Variants in PRMT5 observed in about 807,000 individuals in gnomAD.
The protein encoded by PRMT5 is protein arginine N-methyltransferase 5.
In PRMT5, 15 loss-of-function variants were observed where a neutral mutation model predicts 84.0. The ratio of observed to expected loss-of-function variants is 0.18; its 90% confidence interval spans 0.12 to 0.28. The LOEUF is 0.28. Among genes scored for constraint, PRMT5 ranks in the 10% least tolerant of loss-of-function variants. The pLI, the probability that PRMT5 is intolerant of heterozygous loss-of-function variation, is 1.00. For synonymous variants in PRMT5, 276 were observed against 292.4 expected, an observed-to-expected ratio of 0.94 and a Z score of 0.57; for missense variants, 486 against 808.0, an observed-to-expected ratio of 0.60 and a Z score of 4.83.
At position 22,928,144 on chromosome 14, in the gene PRMT5, A is replaced by T; in HGVS notation, c.297T>A (p.Ile99=). The T allele has an allele frequency of 8.7e-6, 14 of 1,614,144 alleles. No individual in the cohort carries two copies. The highest frequency in any genetic ancestry group is 1.2e-5 in the Non-Finnish European group (14 of 1,180,008). Residue 99 remains isoleucine, a synonymous_variant, in exon 3 of 17, where the codon ATT becomes ATA. Coordinates refer to ENST00000324366, the MANE Select transcript of PRMT5 (RefSeq NM_006109.5). This position sits in a 1 kb window ranked among gnomAD's most constrained non-coding sequence, Gnocchi z 4.8. ...GTCTTACCGCCTCGGAGTTCCTGCG[A>T]ATCTTCTCCACTTTTGAGTCTGGAC... is the stretch of plus-strand genomic sequence containing the variant. The part of the protein sequence containing the change: ...WIRPDSKVEK[I]RRNSEAAMLQ...
At position 22,924,645 on chromosome 14, in the gene PRMT5, G is replaced by A. The variant is rs1341779542; in HGVS notation, c.1004C>T (p.Ser335Phe). 1.9e-6 allele frequency: 3 copies of A among 1,613,962 alleles called. No individual in the cohort carries two copies. Among genetic ancestry groups the A allele is most frequent in the Non-Finnish European group, 2.5e-6 (3 of 1,179,976 alleles). ...ACCACACAGTACCTGCTGGTACTGA[G>A]AGTATTTGATGGGGTCCTTTTCAAA... ...EVFEKDPIKY[S>F]QYQQAIYKCL... Residue 335 changes from serine to phenylalanine, a missense_variant, in exon 9 of 17, where the codon TCT (serine) becomes TTT (phenylalanine). By Grantham distance (155) the Ser-to-Phe change is radical. This residue lies in a region of PRMT5 where 219 missense variants were observed against 433.6 expected (regional missense o/e 0.51). Transcript: ENST00000324366. This position sits in a 1 kb window ranked among gnomAD's most constrained non-coding sequence, Gnocchi z 6.5.
At position 22,926,768 on chromosome 14, in the gene PRMT5, T is replaced by A. The variant is rs748141283; in HGVS notation, c.497A>T (p.Asp166Val). The change falls in exon 5 of 17, where the codon GAT becomes GTT. Residue 166 changes from aspartate to valine, a missense_variant. Physicochemically the swap from Asp to Val is radical, Grantham distance 152. This residue lies in a region of PRMT5 where 215 missense variants were observed against 301.1 expected (regional missense o/e 0.71). Transcript: ENST00000324366. ...TGTAGTTGGTGCATTCTCAATTATATCATCTCTCAGGTCCTCTGGTGCCAC... is the reference window on the plus strand; with the variant it reads ...TGTAGTTGGTGCATTCTCAATTATAACATCTCTCAGGTCCTCTGGTGCCAC... ...PLVAPEDLRD[D>V]IIENAPTTHT... 4 of 1,614,146 alleles carry A rather than the reference T, an allele frequency of 2.5e-6. No homozygotes were observed. Among genetic ancestry groups the A allele is most frequent in the Non-Finnish European group, 3.4e-6 (4 of 1,180,036 alleles).
Position 22,923,917 on chromosome 14 carries a change from C to CG in PRMT5, c.1375+90_1375+91insC. ...CAAACTCATATGATGTGACCCAGGTCCAACCCACTTTCCCCTAAACCCTGT... is the reference window on the plus strand; with the variant it reads ...CAAACTCATATGATGTGACCCAGGTCGCAACCCACTTTCCCCTAAACCCTGT... On this transcript the variant is annotated intron_variant, in intron 12 of 16. Coordinates refer to ENST00000324366, the MANE Select transcript of PRMT5 (RefSeq NM_006109.5). The surrounding 1 kb of genome is among the most constrained non-coding windows in gnomAD (Gnocchi z 5.2). The CG allele has an allele frequency of 2.8e-6, 4 of 1,431,966 alleles. No homozygotes were observed. Among genetic ancestry groups the CG allele is most frequent in the Admixed American group, 2.4e-5 (1 of 42,452 alleles). 88.7% of individuals were successfully genotyped at this position (1,431,966 alleles called of 1,614,324 possible). A position where few individuals can be genotyped will look rare whatever the true frequency, so the allele number is the denominator to read the frequency against.
At chr14:22,929,067 G>A in intron 1 of PRMT5, 185 bp downstream of exon 1, 1 of 1,455,402 alleles carries the variant, frequency 6.9e-7, no homozygotes, top group East Asian at 2.3e-5. Context: ...AGTGACCACA[G>A]GCCTCCCACA....
At chr14:22,922,044 C>A (rs2044311116) in intron 16 of PRMT5, 132 bp downstream of exon 16, 1 of 838,312 alleles carries the variant, frequency 1.2e-6, no homozygotes, top group South Asian at 1.6e-5. Flanking sequence ...ACACCTACCA[C>A]TGGGATCCAA....
chr14:22,923,136 T>C lies in PRMT5; in HGVS notation c.1400A>G (p.Glu467Gly). Residue 467 changes from glutamate (E) to glycine (G), a missense_variant, in exon 13 of 17, where the codon GAG becomes GGG. Glu to Gly is a moderately conservative substitution (Grantham distance 98, BLOSUM62 -2). Around this residue, in one of 4 missense-constraint regions of PRMT5, gnomAD observed 219 missense variants for 433.6 expected, o/e 0.51. Coordinates refer to ENST00000324366, the MANE Select transcript of PRMT5 (RefSeq NM_006109.5). The surrounding 1 kb of genome is among the most constrained non-coding windows in gnomAD (Gnocchi z 5.2). ...GATGGGAGCCAGAAAGGAAGTGTAC[T>C]CCCCGGGGATGCTCACACCATCATC... ...LKDDGVSIPG[E>G]YTSFLAPISS... 6.2e-7 allele frequency: 1 copy of C among 1,612,684 alleles called. No homozygotes were observed. The highest frequency in any genetic ancestry group is 8.5e-7 in the Non-Finnish European group (1 of 1,179,588).
In PRMT5 at chr14:22,928,980, C is replaced by T; in HGVS notation, c.110+272G>A. On this transcript the variant is annotated intron_variant, in intron 1 of 16. Coordinates refer to ENST00000324366, the MANE Select transcript of PRMT5 (RefSeq NM_006109.5). The surrounding 1 kb of genome is among the most constrained non-coding windows in gnomAD (Gnocchi z 4.8). Reference sequence around the variant, plus strand: ...TCTCTCCCTTGCCCCCTAACACCTCCTCCCACTCCCAGACAATAATCGCGA... The same window carrying T: ...TCTCTCCCTTGCCCCCTAACACCTCTTCCCACTCCCAGACAATAATCGCGA... 2.8e-6 allele frequency: 2 copies of T among 712,566 alleles called. No individual in the cohort carries two copies. The highest frequency in any genetic ancestry group is 2.3e-6 in the Non-Finnish European group (1 of 434,988). 44.1% of individuals were successfully genotyped at this position (712,566 alleles called of 1,614,324 possible). A position where few individuals can be genotyped will look rare whatever the true frequency, so the allele number is the denominator to read the frequency against.
Position 22,924,938 on chromosome 14 carries a change from G to A in PRMT5, c.880C>T (p.Pro294Ser). Residue 294 changes from proline (P) to serine (S), a missense_variant, in exon 8 of 17, where the codon CCT (proline) becomes TCT (serine). Physicochemically the swap from Pro to Ser is moderately conservative, Grantham distance 74. Around this residue, in one of 4 missense-constraint regions of PRMT5, gnomAD observed 215 missense variants for 301.1 expected, o/e 0.71. Transcript: ENST00000324366. The surrounding 1 kb of genome is among the most constrained non-coding windows in gnomAD (Gnocchi z 6.5). Reference protein sequence around the residue: ...LEYLSQNRPPPNAYELFAKGY... With the variant: ...LEYLSQNRPPSNAYELFAKGY... ...TTGGCAAAGAGTTCATAGGCATTAG[G>A]TGGAGGACGGTTCTGGCTTAAGTAT... is the stretch of plus-strand genomic sequence containing the variant. 6.2e-7 allele frequency: 1 copy of A among 1,614,162 alleles called. No individual in the cohort carries two copies. The highest frequency in any genetic ancestry group is 8.5e-7 in the Non-Finnish European group (1 of 1,180,038).
rs2044487254 is a variant in PRMT5, at chr14:22,928,985, A to C, written c.110+267T>G. The stretch of plus-strand genomic sequence containing the variant: ...CCCTTGCCCCCTAACACCTCCTCCC[A>C]CTCCCAGACAATAATCGCGACCTCC... On this transcript the variant is annotated intron_variant, in intron 1 of 16. Coordinates refer to ENST00000324366, the MANE Select transcript of PRMT5 (RefSeq NM_006109.5). This position sits in a 1 kb window ranked among gnomAD's most constrained non-coding sequence, Gnocchi z 4.8. 5 of 708,274 alleles carry C rather than the reference A, an allele frequency of 7.1e-6. No homozygotes were observed. Among genetic ancestry groups the C allele is most frequent in the Non-Finnish European group, 1.1e-5 (5 of 437,296 alleles). The allele number at this position is 708,274 out of a possible 1,614,324, so 43.9% of individuals were successfully genotyped here. A position where few individuals can be genotyped will look rare whatever the true frequency, so the allele number is the denominator to read the frequency against.
chr14:22,925,066 C>T lies in PRMT5; in HGVS notation c.778-26G>A, dbSNP rs754907619. 3.1e-6 allele frequency: 5 copies of T among 1,610,054 alleles called. No homozygotes were observed. The African/African-American group carries it at 4.0e-5, about 13-fold the overall frequency. ...CTGTGAGAAAAGTCAGACCATCAGACACAGCCCTCAAACCAAGATTCTGGA... is the reference window on the plus strand; with the variant it reads ...CTGTGAGAAAAGTCAGACCATCAGATACAGCCCTCAAACCAAGATTCTGGA... On this transcript the variant is annotated intron_variant, in intron 7 of 16. Transcript: ENST00000324366.
chr14:22,922,013 AG>A (rs2139216294), intron 16 of PRMT5, 162 bp downstream of exon 16: 1 of 680,872 alleles, frequency 1.5e-6, no homozygotes, highest in East Asian at 2.5e-5. Flanking sequence ...GCCAGGCAGA[AG>A]GCCACTCCAA....
rs1176156815 is a variant in PRMT5, at chr14:22,928,661, C to T, written c.111-46G>A. 2 of 1,427,528 alleles carry T rather than the reference C, an allele frequency of 1.4e-6. No individual in the cohort carries two copies. Among genetic ancestry groups the T allele is most frequent in the Non-Finnish European group, 2.0e-6 (2 of 1,009,966 alleles). The allele number at this position is 1,427,528 out of a possible 1,614,324, so 88.4% of individuals were successfully genotyped here. On this transcript the variant is annotated intron_variant, in intron 1 of 16. Coordinates refer to ENST00000324366, the MANE Select transcript of PRMT5 (RefSeq NM_006109.5). The surrounding 1 kb of genome is among the most constrained non-coding windows in gnomAD (Gnocchi z 4.8). The stretch of plus-strand genomic sequence containing the variant: ...GAATCATGTAAAGACAGCAGCAGTG[C>T]CAGAGAGCCAAGCAACTGGATTTAG...
rs534809305 is a variant in PRMT5, at chr14:22,920,711, C to T, written c.*193G>A. The T allele has an allele frequency of 1.1e-5, 9 of 835,862 alleles. 1 individual carries two copies. Among genetic ancestry groups the T allele is most frequent in the Middle Eastern group, 4.3e-4 (2 of 4,614 alleles). 51.8% of individuals were successfully genotyped at this position (835,862 alleles called of 1,614,324 possible). A position where few individuals can be genotyped will look rare whatever the true frequency, so the allele number is the denominator to read the frequency against. ...TCCTCACCCCCTGGCCTGAGGTCTT[C>T]ATAGATTGGTGGCTTGAGCCCTGCA... is the stretch of plus-strand genomic sequence containing the variant. On this transcript the variant is annotated 3_prime_UTR_variant, in exon 17 of 17. Transcript: ENST00000324366.
chr14:22,928,667 A>C lies in PRMT5; in HGVS notation c.111-52T>G. 1 of 1,393,070 alleles carries C rather than the reference A, an allele frequency of 7.2e-7. No individual in the cohort carries two copies. The highest frequency in any genetic ancestry group is 1.0e-6 in the Non-Finnish European group (1 of 978,458). The allele number at this position is 1,393,070 out of a possible 1,614,324, so 86.3% of individuals were successfully genotyped here. A position where few individuals can be genotyped will look rare whatever the true frequency, so the allele number is the denominator to read the frequency against. ...TGTAAAGACAGCAGCAGTGCCAGAG[A>C]GCCAAGCAACTGGATTTAGGCTATC... is the stretch of plus-strand genomic sequence containing the variant. On this transcript the variant is annotated intron_variant, in intron 1 of 16. Transcript: ENST00000324366. The surrounding 1 kb of genome is among the most constrained non-coding windows in gnomAD (Gnocchi z 4.8).
At position 22,924,315 on chromosome 14, in the gene PRMT5, C is replaced by T. The variant is rs1011666409; in HGVS notation, c.1154G>A (p.Arg385Gln). 9.9e-6 allele frequency: 16 copies of T among 1,613,990 alleles called. No individual in the cohort carries two copies. Among genetic ancestry groups the T allele is most frequent in the East Asian group, 2.2e-5 (1 of 44,900 alleles). The change falls in exon 11 of 17, where the codon CGG becomes CAG. Residue 385 changes from arginine to glutamine, a missense_variant. Physicochemically the swap from Arg to Gln is conservative, Grantham distance 43 (BLOSUM62 1). Coordinates refer to ENST00000324366, the MANE Select transcript of PRMT5 (RefSeq NM_006109.5). This position sits in a 1 kb window ranked among gnomAD's most constrained non-coding sequence, Gnocchi z 6.5. ...TTTCTCCACAGCATACAGCTTTATC[C>T]GCCGGTCGGCCTGCTTGGCTGCCCG... ...SLRAAKQADRRIKLYAVEKNP... is the reference protein window; with the variant it reads ...SLRAAKQADRQIKLYAVEKNP...
At position 22,926,306 on chromosome 14, in the gene PRMT5, G is replaced by A; in HGVS notation, c.614-10C>T. ...GCCCCAATTTCAAGAGCTACATGAG[G>A]CAAAAGAAAAACTGTCAACCACTGC... On this transcript the variant is annotated splice_polypyrimidine_tract_variant and intron_variant, in intron 6 of 16. Transcript: ENST00000324366. 1.9e-6 allele frequency: 3 copies of A among 1,612,008 alleles called. No homozygotes were observed. The highest frequency in any genetic ancestry group is 1.3e-5 in the African/African-American group (1 of 74,832).
rs369142967 is a variant in PRMT5 at position 22,928,255 on chromosome 14, A to G, written c.230-44T>C. The G allele has an allele frequency of 2.5e-6, 4 of 1,583,058 alleles. No homozygotes were observed. The highest frequency in any genetic ancestry group is 3.5e-6 in the Non-Finnish European group (4 of 1,157,782). Reference sequence around the variant, plus strand: ...GAAAGACAAATACTGAATAAGGTTCAGCACTTTACTTGTTCAATTTTTAGT... The same window carrying G: ...GAAAGACAAATACTGAATAAGGTTCGGCACTTTACTTGTTCAATTTTTAGT... On this transcript the variant is annotated intron_variant, in intron 2 of 16. Coordinates refer to ENST00000324366, the MANE Select transcript of PRMT5 (RefSeq NM_006109.5). This position sits in a 1 kb window ranked among gnomAD's most constrained non-coding sequence, Gnocchi z 4.8.
Position 22,924,305 on chromosome 14 carries a change from C to T in PRMT5, c.1164G>A (p.Leu388=), listed in dbSNP as rs2044368321. ...CATTTGGGTTTTTCTCCACAGCATA[C>T]AGCTTTATCCGCCGGTCGGCCTGCT... ...AAKQADRRIK[L]YAVEKNPNAV... The change falls in exon 11 of 17, where the codon CTG becomes CTA. Residue 388 remains leucine, a synonymous_variant. Coordinates refer to ENST00000324366, the MANE Select transcript of PRMT5 (RefSeq NM_006109.5). This position sits in a 1 kb window ranked among gnomAD's most constrained non-coding sequence, Gnocchi z 6.5. The T allele has an allele frequency of 1.2e-6, 2 of 1,614,198 alleles. No homozygotes were observed. The highest frequency in any genetic ancestry group is 1.7e-6 in the Non-Finnish European group (2 of 1,180,038).
intron 7 of PRMT5, among the ~76,000 whole-genome samples, chr14:22,925,419 A>G (rs1007442295): frequency 3.3e-5 from 5 of 151,832 alleles, no homozygotes; most frequent in Non-Finnish European, 7.4e-5. Context: ...AGCCTCCCAA[A>G]GTCCTGGGAT....
Sources: gnomAD v4.1 joint callset for allele counts (sites outside exome capture counted in the v4.1 genomes callset) on GRCh38, gnomAD v4.1.1 for gene constraint, gnomAD v4.1.1 regional missense constraint, Gnocchi (gnomAD v3.1) non-coding constraint, MANE v1.5 for transcripts, NCBI Gene and HGNC (gene_info 2026-07-23, HGNC 2026-07-21) for gene names.